MME: variants seen among roughly 807,000 people sequenced by gnomAD.
MME encodes membrane metalloendopeptidase.
MME carries 98 observed loss-of-function variants against 113.2 expected under a neutral mutation model. The observed-to-expected ratio is 0.87, with a 90% confidence interval of 0.74 to 1.02. The LOEUF (loss-of-function observed/expected upper bound fraction) is 1.02. Among genes scored for constraint, MME ranks in the 50% least tolerant of loss-of-function variants. The pLI is 0.00. For missense variants in MME, 836 were observed against 896.0 expected (o/e 0.93, Z 0.86); for synonymous variants, 292 against 300.6 (o/e 0.97, Z 0.30).
intron 9 of MME, 82 bp downstream of exon 9, chr3:155,138,318 A>G (rs769921601): frequency 6.3e-6 from 9 of 1,425,950 alleles, no homozygotes; most frequent in Non-Finnish European, 8.9e-6. Flanking sequence ...CTTTAAGAGT[A>G]AAAGGTACAG....
upstream of MME, among the ~76,000 whole-genome samples, chr3:155,076,064 G>C (rs1040421055): frequency 1.3e-5 from 2 of 152,122 alleles, no homozygotes; most frequent in African/African-American, 4.8e-5. Context: ...TACAGTCAGT[G>C]GTGGGAAGTT....
intron 13 of MME, among the ~76,000 whole-genome samples, chr3:155,143,985 G>T (rs941326387): frequency 6.6e-6 from 1 of 152,176 alleles, no homozygotes; most frequent in Non-Finnish European, 1.5e-5. Flanking sequence ...AATGAAGACA[G>T]TGGAACTTAA....
At chr3:155,097,456 T>G (rs1334364745) in intron 3 of MME, among the ~76,000 whole-genome samples, 1 of 152,026 alleles carries the variant, frequency 6.6e-6, no homozygotes, top group East Asian at 1.9e-4. Context: ...GAGTGATCAT[T>G]GGAATTAAGC....
chr3:155,174,535 T>C (rs544100394), intron 22 of MME, among the ~76,000 whole-genome samples: 2 of 152,216 alleles, frequency 1.3e-5, no homozygotes, highest in African/African-American at 4.8e-5. Context: ...AAACATATTT[T>C]TTAAAAAAAC....
chr3:155,138,063 G>A (rs201274391), intron 8 of MME, 39 bp from the exon 9 acceptor site: 2 of 1,609,228 alleles, frequency 1.2e-6, no homozygotes, highest in Admixed American at 3.3e-5. Flanking sequence ...TGAATATTTA[G>A]AGCTACTCCA....
At chr3:155,166,867 C>T (rs1240304267) in intron 17 of MME, 35 bp from the exon 18 acceptor site, 4 of 1,612,974 alleles carry the variant, frequency 2.5e-6, no homozygotes, top group East Asian at 4.5e-5. Flanking sequence ...AAACTTATGC[C>T]ACAAATAATC....
At chr3:155,053,690 G>A (rs1309761300) in intron 1 of MME, among the ~76,000 whole-genome samples, 2 of 152,118 alleles carry the variant, frequency 1.3e-5, no homozygotes, top group African/African-American at 2.4e-5. Flanking sequence ...ATGAAGGAAG[G>A]CCACCAGATT....
intron 22 of MME, among the ~76,000 whole-genome samples, chr3:155,173,277 A>C (rs1053537274): frequency 6.6e-6 from 1 of 151,926 alleles, no homozygotes; most frequent in Non-Finnish European, 1.5e-5. Flanking sequence ...TTTCCCATGT[A>C]CTAGAACACT....
chr3:155,106,089 G>C (rs1223307849), intron 3 of MME, among the ~76,000 whole-genome samples: 1 of 152,058 alleles, frequency 6.6e-6, no homozygotes, highest in Non-Finnish European at 1.5e-5. Context: ...CCCCAAACTA[G>C]AACAGCAAAA....
chr3:155,136,231 G>A (rs1175810627), intron 8 of MME, among the ~76,000 whole-genome samples: 1 of 152,064 alleles, frequency 6.6e-6, no homozygotes, highest in Non-Finnish European at 1.5e-5. Flanking sequence ...TGTTCTCAAG[G>A]GGAATGCTTC....
intron 2 of MME, 56 bp downstream of exon 2, chr3:155,084,383 T>C: frequency 7.0e-6 from 11 of 1,570,654 alleles, no homozygotes; most frequent in Non-Finnish European, 9.6e-6. Flanking sequence ...GAAATCTTCC[T>C]CCATGCTTTT....
intron 9 of MME, among the ~76,000 whole-genome samples, chr3:155,139,132 A>G (rs919405053): frequency 1.3e-5 from 2 of 152,124 alleles, no homozygotes; most frequent in Admixed American, 6.6e-5. Flanking sequence ...AATGAATGGC[A>G]TTTGAATGGG....
At chr3:155,030,270 C>A (rs1032325979) in intron 1 of MME, among the ~76,000 whole-genome samples, 1 of 151,992 alleles carries the variant, frequency 6.6e-6, no homozygotes, top group Non-Finnish European at 1.5e-5. Flanking sequence ...AGGGAGATGC[C>A]CTTACAAATG....
At chr3:155,042,003 T>C (rs1713339035) in intron 1 of MME, among the ~76,000 whole-genome samples, 1 of 152,202 alleles carries the variant, frequency 6.6e-6, no homozygotes, top group Admixed American at 6.5e-5. Flanking sequence ...GATCGAACTT[T>C]GTCATTTTAT....
intron 1 of MME, among the ~76,000 whole-genome samples, chr3:155,025,165 G>A (rs961150116): frequency 3.3e-5 from 5 of 152,116 alleles, no homozygotes; most frequent in Non-Finnish European, 5.9e-5. Flanking sequence ...GCTCTGAGAG[G>A]AAAAACACCA....
intron 22 of MME, among the ~76,000 whole-genome samples, chr3:155,174,566 G>A (rs1328333257): frequency 2.0e-5 from 3 of 152,012 alleles, no homozygotes; most frequent in South Asian, 4.2e-4. Flanking sequence ...AATAGATATC[G>A]AGTTGCTATT....
Position 155,116,608 on chromosome 3 carries a change from T to TATATATATA in MME, c.439+49_439+50insATATATATA, listed in dbSNP as rs776428703. 223 of 977,432 alleles carry TATATATATA rather than the reference T, an allele frequency of 2.3e-4. 1 individual carries two copies. The highest frequency in any genetic ancestry group is 7.4e-4 in the Middle Eastern group (3 of 4,048). 60.5% of individuals were successfully genotyped at this position (977,432 alleles called of 1,614,324 possible). On this transcript the variant is annotated intron_variant, in intron 5 of 22. Transcript: ENST00000360490. The stretch of plus-strand genomic sequence containing the variant: ...ATTAGGAGTATATATATATATATAT[T>TATATATATA]GGTGCCAAACTATGCCTAGATTTCT...
chr3:155,054,185 T>C (rs1713852933), intron 1 of MME, among the ~76,000 whole-genome samples: 1 of 152,240 alleles, frequency 6.6e-6, no homozygotes, highest in African/African-American at 2.4e-5. Flanking sequence ...ATTATTTTCC[T>C]ATATGATGGA....
intron 3 of MME, among the ~76,000 whole-genome samples, chr3:155,095,902 G>T (rs193227276): frequency 3.8e-4 from 58 of 152,316 alleles, no homozygotes; most frequent in Admixed American, 2.5e-3. Flanking sequence ...ACCAGAGCGG[G>T]TCTGGGAGTG....
Sources: gnomAD v4.1 joint callset for allele counts (sites outside exome capture counted in the v4.1 genomes callset) on GRCh38, gnomAD v4.1.1 for gene constraint, MANE v1.5 for transcripts, NCBI Gene and HGNC (gene_info 2026-07-23, HGNC 2026-07-21) for gene names.